Variants in NEGR1 observed in about 807,000 individuals in gnomAD.
The protein encoded by NEGR1 is neuronal growth regulator 1.
A neutral mutation model predicts 40.9 loss-of-function variants in NEGR1; 10 were observed. The ratio of observed to expected loss-of-function variants is 0.24; its 90% CI spans 0.15 to 0.42. The LOEUF (loss-of-function observed/expected upper bound fraction) is 0.42, where lower values mean the gene tolerates loss of function less well. Among genes scored for constraint, NEGR1 ranks in the 10% least tolerant of loss-of-function variants. The pLI is 1.00. For missense variants in NEGR1, 352 were observed against 438.9 expected (o/e 0.80, Z 1.77); for synonymous variants, 185 against 166.8 (o/e 1.11, Z -0.84).
At chr1:72,092,992 T>C (rs1437021394) in intron 1 of NEGR1, among the ~76,000 whole-genome samples, 1 of 151,982 alleles carries the variant, frequency 6.6e-6, no homozygotes, top group Admixed American at 6.6e-5. Flanking sequence ...TAATTTTACT[T>C]TGAATATTTT....
chr1:71,675,491 C>T (rs1652596257), intron 4 of NEGR1, among the ~76,000 whole-genome samples: 1 of 151,350 alleles, frequency 6.6e-6, no homozygotes, highest in South Asian at 2.1e-4. Context: ...ATATGTATCT[C>T]CCTCTCTCAC....
At chr1:72,252,175 G>GGCAATTCTCCTGTCT (rs1655124700) in intron 1 of NEGR1, among the ~76,000 whole-genome samples, 2 of 151,260 alleles carry the variant, frequency 1.3e-5, no homozygotes, top group African/African-American at 4.9e-5. Context: ...GGGCGATGTA[G>GGCAATTCTCCTGTCT]CTGGGATTAT....
At chr1:71,887,572 G>A (rs973119937) in intron 2 of NEGR1, among the ~76,000 whole-genome samples, 15 of 151,986 alleles carry the variant, frequency 9.9e-5, no homozygotes, top group African/African-American at 3.4e-4. Context: ...GTTGCAATAC[G>A]TATAATGTGC....
chr1:72,254,857 T>C (rs1655214830), intron 1 of NEGR1, among the ~76,000 whole-genome samples: 1 of 149,182 alleles, frequency 6.7e-6, no homozygotes, highest in African/African-American at 2.6e-5. Flanking sequence ...CTCTTTCATA[T>C]TATTTATAGC....
At chr1:72,216,404 T>TATATATATATATATAC (rs1428984987) in intron 1 of NEGR1, among the ~76,000 whole-genome samples, 1,938 of 131,116 alleles carry the variant, frequency 0.015, 48 homozygotes, top group African/African-American at 0.06. Flanking sequence ...TATATATACA[T>TATATATATATATATAC]ATATATATAT....
At chr1:72,188,242 A>C (rs984461367) in intron 1 of NEGR1, among the ~76,000 whole-genome samples, 1 of 151,442 alleles carries the variant, frequency 6.6e-6, no homozygotes, top group Non-Finnish European at 1.5e-5. Context: ...CAAAAGGCTC[A>C]GTTTTATCAG....
rs75345107 is a variant in NEGR1, at chr1:71,967,276, G to C, written c.177-31965C>G. On this transcript the variant is annotated intron_variant, in intron 1 of 6. Coordinates refer to ENST00000357731, the MANE Select transcript of NEGR1 (RefSeq NM_173808.3). Reference sequence around the variant, plus strand: ...AACTCTGTAATAAATGGATTATGACGGTGGGAAAAGTCCATGCTGGGTGTT... The same window carrying C: ...AACTCTGTAATAAATGGATTATGACCGTGGGAAAAGTCCATGCTGGGTGTT... 5.3e-5 allele frequency among the ~76,000 whole-genome samples: 8 copies of C among 152,160 alleles called. No individual in the cohort carries two copies. In the East Asian group the frequency reaches 1.4e-3, roughly 26 times the overall value.
chr1:71,913,855 G>GAAAAAAAA, intron 2 of NEGR1, among the ~76,000 whole-genome samples: 1 of 128,588 alleles, frequency 7.8e-6, no homozygotes. Context: ...TGAAGGAAAG[G>GAAAAAAAA]AAAAAAAAAA....
intron 1 of NEGR1, among the ~76,000 whole-genome samples, chr1:72,181,071 A>T (rs1393638926): frequency 1.3e-5 from 2 of 152,252 alleles, no homozygotes; most frequent in Middle Eastern, 3.4e-3. Flanking sequence ...AAGAGGAGGA[A>T]GGACAGTGGT....
At chr1:71,649,189 G>A (rs1008931326) in intron 4 of NEGR1, among the ~76,000 whole-genome samples, 2 of 152,080 alleles carry the variant, frequency 1.3e-5, no homozygotes, top group Non-Finnish European at 2.9e-5. Context: ...ATTAGGAAAT[G>A]ATAATATGCA....
At chr1:71,916,633 G>A (rs919467450) in intron 2 of NEGR1, among the ~76,000 whole-genome samples, 2 of 152,152 alleles carry the variant, frequency 1.3e-5, no homozygotes, top group Non-Finnish European at 2.9e-5. Flanking sequence ...GCGTGTGCTT[G>A]TAATCACAGC....
At chr1:72,239,980 A>T (rs1654681737) in intron 1 of NEGR1, among the ~76,000 whole-genome samples, 1 of 151,798 alleles carries the variant, frequency 6.6e-6, no homozygotes, top group Non-Finnish European at 1.5e-5. Context: ...AACCCCCAAA[A>T]TTTTTGCACC....
rs1648831104 is a variant in NEGR1, at chr1:72,099,126, ATTT to A, written c.177-163818_177-163816del. 4.6e-5 allele frequency among the ~76,000 whole-genome samples: 7 copies of A among 151,970 alleles called. No homozygotes were observed. In the South Asian group the frequency reaches 1.5e-3, roughly 31 times the overall value. On this transcript the variant is annotated intron_variant, in intron 1 of 6. Transcript: ENST00000357731. ...TCATAATTATTAGAGAGTATCTCTA[ATTT>A]TATTTAAAAATTTATGTTTTAAAGT...
At chr1:71,827,561 C>A (rs1025015933) in intron 2 of NEGR1, among the ~76,000 whole-genome samples, 1 of 151,836 alleles carries the variant, frequency 6.6e-6, no homozygotes, top group Non-Finnish European at 1.5e-5. Context: ...TTTGCTGAAT[C>A]CCTTTCCTCA....
At position 71,704,163 on chromosome 1, in the gene NEGR1, TCACACACACACACA is replaced by T. The variant is rs3077140; in HGVS notation, c.536-6038_536-6025del. The stretch of plus-strand genomic sequence containing the variant: ...TAGAATCTCTCTCTCTCTCTCTCTG[TCACACACACACACA>T]CACACACACACACACACACACACAC... On this transcript the variant is annotated intron_variant, in intron 3 of 6. Transcript: ENST00000357731. 2.3e-4 allele frequency among the ~76,000 whole-genome samples: 32 copies of T among 142,216 alleles called. No individual in the cohort carries two copies. The South Asian group carries it at 3.2e-3, about 14-fold the overall frequency. 93.3% of individuals were successfully genotyped at this position (142,216 alleles called of 152,430 possible).
At chr1:72,123,964 T>G (rs940924949) in intron 1 of NEGR1, among the ~76,000 whole-genome samples, 1 of 152,050 alleles carries the variant, frequency 6.6e-6, no homozygotes, top group African/African-American at 2.4e-5. Flanking sequence ...CTTTAAGCAA[T>G]AATGTTCTTT....
intron 1 of NEGR1, among the ~76,000 whole-genome samples, chr1:72,039,731 G>T (rs954405467): frequency 6.6e-6 from 1 of 151,908 alleles, no homozygotes; most frequent in African/African-American, 2.4e-5. Flanking sequence ...AATACTCAAG[G>T]ACTAGTTTCT....
intron 1 of NEGR1, among the ~76,000 whole-genome samples, chr1:72,013,233 A>G (rs1646675735): frequency 6.6e-6 from 1 of 152,026 alleles, no homozygotes; most frequent in African/African-American, 2.4e-5. Context: ...ATTTTGTGGG[A>G]AAAAATCCAT....
intron 2 of NEGR1, among the ~76,000 whole-genome samples, chr1:71,861,450 A>G (rs1659944746): frequency 6.6e-6 from 1 of 152,010 alleles, no homozygotes; most frequent in Non-Finnish European, 1.5e-5. Context: ...AAATGCCTAT[A>G]TGCACTGCAA....
Sources: allele counts gnomAD v4.1 joint callset (sites outside exome capture counted in the v4.1 genomes callset), GRCh38; gene constraint gnomAD v4.1.1; transcripts MANE v1.5; gene names NCBI Gene and HGNC (gene_info 2026-07-23, HGNC 2026-07-21).